IFT25: variants seen among roughly 807,000 people sequenced by gnomAD.
IFT25 encodes the protein intraflagellar transport protein 25 homolog.
the IFT25 span, chr1:53,921,747 AG>A: frequency 2.5e-6 from 4 of 1,613,294 alleles, no homozygotes; most frequent in Non-Finnish European, 2.5e-6. Context: ...ATCTCAAGTA[AG>A]TAGCGGAGCC....
chr1:53,913,153 G>T, the IFT25 span, among the ~76,000 whole-genome samples: 1 of 152,228 alleles, frequency 6.6e-6, no homozygotes, highest in African/African-American at 2.4e-5. Flanking sequence ...GTGGCCCACA[G>T]CCAGTGACTG....
the IFT25 span, among the ~76,000 whole-genome samples, chr1:53,942,694 C>T: frequency 6.6e-6 from 1 of 152,184 alleles, no homozygotes; most frequent in Admixed American, 6.5e-5. Context: ...TAAGGAAGTA[C>T]CACATTCCAT....
chr1:53,928,887 A>T, the IFT25 span: 1 of 155,592 alleles, frequency 6.4e-6, no homozygotes, highest in East Asian at 1.9e-4. Flanking sequence ...GTTCAATGAT[A>T]TACAGCTCAT....
At chr1:53,921,770 G>C in the IFT25 span, 1 of 1,587,404 alleles carries the variant, frequency 6.3e-7, no homozygotes, top group Non-Finnish European at 8.6e-7. Context: ...TCATGTGCCT[G>C]TATGGGAAAA....
the IFT25 span, among the ~76,000 whole-genome samples, chr1:53,915,291 A>G: frequency 1.3e-5 from 2 of 152,320 alleles, no homozygotes; most frequent in East Asian, 3.9e-4. Flanking sequence ...CATGATATAC[A>G]TGGTAAACAG....
the IFT25 span, among the ~76,000 whole-genome samples, chr1:53,944,792 C>T: frequency 6.6e-6 from 1 of 152,106 alleles, no homozygotes; most frequent in South Asian, 2.1e-4. Flanking sequence ...CCTGGTATTC[C>T]CTGATGCCTT....
the IFT25 span, among the ~76,000 whole-genome samples, chr1:53,938,650 A>G: frequency 6.6e-6 from 1 of 152,368 alleles, no homozygotes; most frequent in East Asian, 1.9e-4. Flanking sequence ...AGTCTAAAAT[A>G]AAGGGTTTTG....
the IFT25 span, among the ~76,000 whole-genome samples, chr1:53,925,493 T>C: frequency 1.1e-3 from 167 of 151,236 alleles, no homozygotes; most frequent in Non-Finnish European, 1.8e-3. Context: ...ACCCCATCTC[T>C]ACTAAAAAAA....
chr1:53,936,659 T>C, the IFT25 span, among the ~76,000 whole-genome samples: 1 of 152,192 alleles, frequency 6.6e-6, no homozygotes, highest in Non-Finnish European at 1.5e-5. Flanking sequence ...AAGAGTAATA[T>C]ATGTACTCTT....
At chr1:53,929,525 G>T in the IFT25 span, 1 of 152,286 alleles carries the variant, frequency 6.6e-6, no homozygotes, top group South Asian at 2.1e-4. Flanking sequence ...TAAATAAATA[G>T]GATTAGAATG....
At chr1:53,934,438 A>AT in the IFT25 span, among the ~76,000 whole-genome samples, 4 of 151,892 alleles carry the variant, frequency 2.6e-5, no homozygotes, top group Non-Finnish European at 4.4e-5. Flanking sequence ...TATTTTAAAT[A>AT]TTTTTTTCCT....
chr1:53,919,916 A>G, the IFT25 span, among the ~76,000 whole-genome samples: 2 of 151,942 alleles, frequency 1.3e-5, no homozygotes, highest in Non-Finnish European at 2.9e-5. Flanking sequence ...CAGCCTCCCA[A>G]GCAGCTGAGA....
chr1:53,942,682 G>GTACCACA, the IFT25 span, among the ~76,000 whole-genome samples: 18 of 152,350 alleles, frequency 1.2e-4, no homozygotes, highest in Non-Finnish European at 1.9e-4. Flanking sequence ...CTATCTTAGA[G>GTACCACA]TTAAGGAAGT....
the IFT25 span, among the ~76,000 whole-genome samples, chr1:53,929,194 C>T: frequency 4.1e-4 from 63 of 152,284 alleles, no homozygotes; most frequent in Non-Finnish European, 7.4e-4. Flanking sequence ...GAAGGGAGAT[C>T]AGCCAATTTT....
the IFT25 span, chr1:53,940,113 T>C: frequency 7.6e-7 from 1 of 1,308,892 alleles, no homozygotes; most frequent in Non-Finnish European, 1.1e-6. Context: ...AATTAAAAAA[T>C]AACAAAAAAA....
At chr1:53,944,626 G>C in the IFT25 span, among the ~76,000 whole-genome samples, 4 of 152,136 alleles carry the variant, frequency 2.6e-5, no homozygotes, top group Non-Finnish European at 5.9e-5. Flanking sequence ...CGTGGGCGAC[G>C]AGCGATTATG....
At chr1:53,931,052 C>T in the IFT25 span, among the ~76,000 whole-genome samples, 35,968 of 152,034 alleles carry the variant, frequency 0.24, 6,780 homozygotes, top group African/African-American at 0.53. Context: ...AATGAAAATA[C>T]AGAACATTTC....
At chr1:53,930,076 A>C in the IFT25 span, 1 of 1,577,160 alleles carries the variant, frequency 6.3e-7, no homozygotes, top group Admixed American at 1.9e-5. Flanking sequence ...CAATCCTTAC[A>C]TGTTTGTGGA....
the IFT25 span, chr1:53,939,989 C>A: frequency 6.4e-7 from 1 of 1,569,872 alleles, no homozygotes; most frequent in South Asian, 1.1e-5. Flanking sequence ...TCTTACCCAT[C>A]AATGATATTT....
Sources: allele counts gnomAD v4.1 joint callset (sites outside exome capture counted in the v4.1 genomes callset), GRCh38; gene constraint gnomAD v4.1.1; transcripts MANE v1.5; gene names NCBI Gene and HGNC (gene_info 2026-07-23, HGNC 2026-07-21).